Variants in ALCAM observed in about 807,000 individuals in gnomAD.
ALCAM encodes the protein activated leukocyte cell adhesion molecule.
A neutral mutation model predicts 70.9 loss-of-function variants in ALCAM; 30 were observed. The ratio of observed to expected loss-of-function variants is 0.42; its 90% CI spans 0.32 to 0.57. ALCAM has a LOEUF of 0.57. ALCAM is among the 20% of genes least tolerant of loss of function. The probability of loss-of-function intolerance (pLI) is 0.11; values close to 1 mark genes in which losing one functional copy is unlikely to be tolerated. For missense variants in ALCAM, 591 were observed against 695.1 expected (o/e 0.85, Z 1.68); for synonymous variants, 249 against 242.5 (o/e 1.03, Z -0.25).
intron 1 of ALCAM, among the ~76,000 whole-genome samples, chr3:105,447,257 T>A (rs1576168872): frequency 2.0e-5 from 3 of 152,078 alleles, no homozygotes; most frequent in Non-Finnish European, 2.9e-5. Flanking sequence ...GAGTAAAAAA[T>A]TAAAATCAAT....
intron 1 of ALCAM, among the ~76,000 whole-genome samples, chr3:105,486,066 A>G (rs1938420538): frequency 6.6e-6 from 1 of 152,224 alleles, no homozygotes; most frequent in Admixed American, 6.5e-5. Flanking sequence ...TTCTGTAACT[A>G]TTAACTAAAT....
At chr3:105,436,407 A>T (rs1236004355) in intron 1 of ALCAM, among the ~76,000 whole-genome samples, 1 of 152,000 alleles carries the variant, frequency 6.6e-6, no homozygotes, top group Admixed American at 6.6e-5. Flanking sequence ...CAGTGGTGCG[A>T]TCTTGGCTCA....
chr3:105,468,129 G>A (rs959767004), intron 1 of ALCAM, among the ~76,000 whole-genome samples: 6 of 151,284 alleles, frequency 4.0e-5, no homozygotes, highest in Admixed American at 6.6e-5. Context: ...ATAGGGGAGC[G>A]TCTGATTCAG....
At chr3:105,552,709 T>A in intron 14 of ALCAM, 124 bp downstream of exon 14, 1 of 1,533,336 alleles carries the variant, frequency 6.5e-7, no homozygotes, top group South Asian at 1.3e-5. Flanking sequence ...TATCCCCAAA[T>A]CAGGTTGATT....
intron 14 of ALCAM, among the ~76,000 whole-genome samples, chr3:105,566,550 A>C (rs1940747190): frequency 6.6e-6 from 1 of 152,044 alleles, no homozygotes; most frequent in African/African-American, 2.4e-5. Flanking sequence ...TACTTAATTA[A>C]GTTTTAGTAT....
At chr3:105,570,953 G>C (rs962344159) in intron 14 of ALCAM, among the ~76,000 whole-genome samples, 2 of 152,120 alleles carry the variant, frequency 1.3e-5, no homozygotes, top group African/African-American at 4.8e-5. Flanking sequence ...AGGAAGGGAG[G>C]GAGGGAAGGT....
chr3:105,533,176 A>T (rs1939882509), intron 4 of ALCAM, among the ~76,000 whole-genome samples: 1 of 152,154 alleles, frequency 6.6e-6, no homozygotes, highest in South Asian at 2.1e-4. Context: ...ATCCTCTTGA[A>T]ATATATGTAG....
intron 1 of ALCAM, among the ~76,000 whole-genome samples, chr3:105,403,462 T>C (rs1936143028): frequency 6.6e-6 from 1 of 152,110 alleles, no homozygotes; most frequent in African/African-American, 2.4e-5. Context: ...TCCACTGGGT[T>C]GCCAGACCTA....
intron 1 of ALCAM, among the ~76,000 whole-genome samples, chr3:105,433,955 C>T (rs969236332): frequency 1.3e-5 from 2 of 150,908 alleles, no homozygotes; most frequent in Non-Finnish European, 3.0e-5. Flanking sequence ...AAGATCAATG[C>T]AGTTGTTTTT....
At chr3:105,495,154 C>G (rs910531485) in intron 1 of ALCAM, among the ~76,000 whole-genome samples, 1 of 152,226 alleles carries the variant, frequency 6.6e-6, no homozygotes, top group African/African-American at 2.4e-5. Context: ...ACCACTTAAT[C>G]TGTGTCATCT....
chr3:105,513,112 A>G (rs998608789), intron 1 of ALCAM, among the ~76,000 whole-genome samples: 1 of 140,182 alleles, frequency 7.1e-6, no homozygotes, highest in African/African-American at 2.7e-5. Flanking sequence ...ACGCATACAG[A>G]GCATGAAGTA....
chr3:105,485,301 G>T (rs990090469), intron 1 of ALCAM, among the ~76,000 whole-genome samples: 6 of 152,064 alleles, frequency 3.9e-5, no homozygotes, highest in South Asian at 4.1e-4. Context: ...ACATTTGGAA[G>T]AAATCTTATT....
At position 105,539,896 on chromosome 3, in the gene ALCAM, A is replaced by G. The variant is rs113403424; in HGVS notation, c.731-79A>G. ...TAGCTTCTTGAGAAAATTATGTATA[A>G]TTTAGTCATTTACATTGTATGCACA... On this transcript the variant is annotated intron_variant, in intron 6 of 15. Coordinates refer to ENST00000306107, the MANE Select transcript of ALCAM (RefSeq NM_001627.4). 335 of 1,431,006 alleles carry G rather than the reference A, an allele frequency of 2.3e-4. 4 individuals are homozygous for G. The African/African-American group carries it at 3.8e-3, about 16-fold the overall frequency. 88.6% of individuals were successfully genotyped at this position (1,431,006 alleles called of 1,614,324 possible). A position where few individuals can be genotyped will look rare whatever the true frequency, so the allele number is the denominator to read the frequency against.
At position 105,384,882 on chromosome 3, in the gene ALCAM, CAA is replaced by C. The variant is rs531117820; in HGVS notation, c.73+17403_73+17404del. ...TTTATGTATCAAGAAGTAGCCAGAG[CAA>C]AGACATTATCAAATAAAGCCAAGTA... On this transcript the variant is annotated intron_variant, in intron 1 of 15. Transcript: ENST00000306107. Among the ~76,000 whole-genome samples the C allele has an allele frequency of 4.2e-4, 63 of 151,556 alleles. 1 individual carries two copies. Among genetic ancestry groups the C allele is most frequent in the Middle Eastern group, 3.4e-3 (1 of 294 alleles).
At chr3:105,542,206 G>A (rs545003344) in intron 8 of ALCAM, among the ~76,000 whole-genome samples, 2 of 151,942 alleles carry the variant, frequency 1.3e-5, no homozygotes, top group South Asian at 2.1e-4. Flanking sequence ...TCAGTTTTGG[G>A]AACAGGAAGT....
In ALCAM at chr3:105,496,826, A is replaced by AGGGG. The variant is rs148357943; in HGVS notation, c.74-23239_74-23238insGGGG. 1.3e-3 allele frequency among the ~76,000 whole-genome samples: 157 copies of AGGGG among 124,506 alleles called. 1 individual carries two copies. Among genetic ancestry groups the AGGGG allele is most frequent in the Middle Eastern group, 4.5e-3 (1 of 224 alleles). 81.7% of individuals were successfully genotyped at this position (124,506 alleles called of 152,430 possible). A position where few individuals can be genotyped will look rare whatever the true frequency, so the allele number is the denominator to read the frequency against. On this transcript the variant is annotated intron_variant, in intron 1 of 15. Coordinates refer to ENST00000306107, the MANE Select transcript of ALCAM (RefSeq NM_001627.4). ...GTTAGATATTCTGATAGTCCAATTG[A>AGGGG]GGTGTGTGTGTGTGTGTGTGTGTGT...
chr3:105,508,266 T>C (rs1480388814), intron 1 of ALCAM, among the ~76,000 whole-genome samples: 2 of 152,160 alleles, frequency 1.3e-5, no homozygotes, highest in Non-Finnish European at 2.9e-5. Flanking sequence ...CAATATAAAA[T>C]GAAATAAGGA....
intron 1 of ALCAM, among the ~76,000 whole-genome samples, chr3:105,494,178 A>G (rs558684206): frequency 2.0e-5 from 3 of 152,134 alleles, no homozygotes; most frequent in African/African-American, 7.2e-5. Context: ...TATGGGCCCA[A>G]TGGGGGGGAA....
chr3:105,536,140 C>A (rs1344077625), intron 6 of ALCAM, among the ~76,000 whole-genome samples: 1 of 150,404 alleles, frequency 6.6e-6, no homozygotes, highest in Non-Finnish European at 1.5e-5. Context: ...GTTGCCCAGG[C>A]CAGAGTGCAG....
Sources: allele counts gnomAD v4.1 joint callset (sites outside exome capture counted in the v4.1 genomes callset), GRCh38; gene constraint gnomAD v4.1.1; transcripts MANE v1.5; gene names NCBI Gene and HGNC (gene_info 2026-07-23, HGNC 2026-07-21).